The following GLRX2 variants were observed in gnomAD, a reference collection of about 807,000 sequenced individuals.
GLRX2 encodes bA101E13.1 (GRX2 glutaredoxin (thioltransferase) 2).
Under a neutral mutation model 16.4 loss-of-function variants are expected in GLRX2, and 12 were observed. The observed-to-expected ratio is 0.73, with a 90% CI of 0.47 to 1.19. The LOEUF (loss-of-function observed/expected upper bound fraction) is 1.19, where lower values mean the gene tolerates loss of function less well. GLRX2 is among the 50% of genes most tolerant of loss of function. GLRX2 has a pLI of 0.00. For synonymous variants in GLRX2, 95 were observed against 76.2 expected (o/e 1.25, Z -1.28); for missense variants, 201 against 201.8 (o/e 1.00, Z 0.02).
intron 1 of GLRX2, among the ~76,000 whole-genome samples, chr1:193,104,498 A>C (rs560993085): frequency 6.6e-6 from 1 of 152,306 alleles, no homozygotes; most frequent in East Asian, 1.9e-4. Context: ...GTTAAACTTG[A>C]GATTCCTAGA....
chr1:193,100,603 G>C (rs563523110), intron 2 of GLRX2, among the ~76,000 whole-genome samples: 10 of 152,238 alleles, frequency 6.6e-5, no homozygotes, highest in African/African-American at 2.4e-4. Context: ...GTAAGCAAGA[G>C]AGAAAAAATG....
In GLRX2 at chr1:193,105,323, C is replaced by G. The variant is rs765281033; in HGVS notation, c.60G>C (p.Ser20=). 1,558 of 1,516,990 alleles carry G rather than the reference C, an allele frequency of 1.0e-3. 22 individuals carry two copies. In the South Asian group the frequency reaches 0.017, roughly 17 times the overall value. The allele number at this position is 1,516,990 out of a possible 1,614,324, so 94.0% of individuals were successfully genotyped here. A position where few individuals can be genotyped will look rare whatever the true frequency, so the allele number is the denominator to read the frequency against. ...CCGCCGCCCTGTCAAGCCAGCCTGC[C>G]GAGCCGCTCCTGCTCCAAACCAGCC... ...GTRLVWSRSG[S]AGWLDRAAGA... The change falls in exon 1 of 4, where the codon TCG becomes TCC. Residue 20 remains serine, a synonymous_variant. Coordinates refer to ENST00000367439, the MANE Select transcript of GLRX2 (RefSeq NM_197962.3).
chr1:193,099,113 G>T (rs1446009554), intron 2 of GLRX2, among the ~76,000 whole-genome samples: 1 of 152,174 alleles, frequency 6.6e-6, no homozygotes, highest in Non-Finnish European at 1.5e-5. Context: ...GGTAGAAGTT[G>T]AAAACTGTAT....
chr1:193,105,456 G>C, upstream of GLRX2: 1 of 1,445,316 alleles, frequency 6.9e-7, no homozygotes, highest in Non-Finnish European at 9.0e-7. Flanking sequence ...CCTCCGGCCC[G>C]GCCCCCGCCT....
At chr1:193,105,959 G>C, upstream of GLRX2, 2 of 1,005,082 alleles carry the variant, frequency 2.0e-6, no homozygotes, top group Non-Finnish European at 1.2e-6. Context: ...TTACTCCAAA[G>C]AAGACAAAGA....
chr1:193,104,762 C>G (rs1370348625), intron 1 of GLRX2, among the ~76,000 whole-genome samples: 1 of 152,270 alleles, frequency 6.6e-6, no homozygotes, highest in Non-Finnish European at 1.5e-5. Context: ...CAGCCTCTAT[C>G]CTAAAAGCTC....
At chr1:193,105,994 A>T (rs1675194041), upstream of GLRX2, 1 of 995,904 alleles carries the variant, frequency 1.0e-6, no homozygotes, top group African/African-American at 1.7e-5. Flanking sequence ...CTGCCAAAAA[A>T]AAAAAATTAG....
At chr1:193,101,337 T>G in intron 1 of GLRX2, 133 bp from the exon 2 acceptor site, 1 of 643,624 alleles carries the variant, frequency 1.6e-6, no homozygotes. Flanking sequence ...TTTTACTTAT[T>G]ATCAGTACAA....
chr1:193,098,757 G>A (rs562172924), intron 2 of GLRX2, among the ~76,000 whole-genome samples: 32 of 151,958 alleles, frequency 2.1e-4, no homozygotes, highest in African/African-American at 7.2e-4. Flanking sequence ...CACCATGTTG[G>A]CCAGGCTCGT....
At chr1:193,097,510 A>C in intron 3 of GLRX2, 74 bp downstream of exon 3, 1 of 1,165,680 alleles carries the variant, frequency 8.6e-7, no homozygotes, top group Non-Finnish European at 1.2e-6. Flanking sequence ...TTTTCCTAAC[A>C]CAAGGTTCTA....
At chr1:193,105,767 A>G (rs1036258313), upstream of GLRX2, 12 of 1,375,640 alleles carry the variant, frequency 8.7e-6, no homozygotes, top group South Asian at 1.0e-4. Context: ...TGACCATCCA[A>G]AACAGAATCA....
chr1:193,105,648 G>T (rs764045332), upstream of GLRX2: 3 of 1,597,396 alleles, frequency 1.9e-6, no homozygotes, highest in Admixed American at 5.2e-5. Context: ...TCCGAGCCCC[G>T]CCTCTGGATT....
intron 2 of GLRX2, among the ~76,000 whole-genome samples, chr1:193,099,331 GT>G (rs1022892901): frequency 6.6e-6 from 1 of 151,300 alleles, no homozygotes; most frequent in African/African-American, 2.4e-5. Context: ...ATTTGTCTAG[GT>G]TTTTTTTTGT....
upstream of GLRX2, chr1:193,105,567 A>T: frequency 6.2e-7 from 1 of 1,604,234 alleles, no homozygotes; most frequent in South Asian, 1.1e-5. Flanking sequence ...GCTGGATTCC[A>T]GCGAGTGCCA....
intron 2 of GLRX2, among the ~76,000 whole-genome samples, chr1:193,100,090 G>A (rs191251131): frequency 6.6e-6 from 1 of 152,300 alleles, no homozygotes; most frequent in African/African-American, 2.4e-5. Flanking sequence ...TGAAACTAAA[G>A]ATGACAGCGT....
intron 2 of GLRX2, 120 bp downstream of exon 2, chr1:193,101,021 T>C (rs1282717462): frequency 8.4e-6 from 6 of 714,572 alleles, no homozygotes; most frequent in Non-Finnish European, 1.3e-5. Flanking sequence ...TAAATATTAA[T>C]CTCTTAATTC....
chr1:193,102,968 C>T (rs1038346365), intron 1 of GLRX2, among the ~76,000 whole-genome samples: 8 of 152,072 alleles, frequency 5.3e-5, no homozygotes, highest in Admixed American at 3.9e-4. Flanking sequence ...GTGACCAGAT[C>T]GACTGTCACA....
chr1:193,096,856 A>G (rs138465476), intron 3 of GLRX2, 97 bp from the exon 4 acceptor site: 9 of 864,406 alleles, frequency 1.0e-5, no homozygotes, highest in Non-Finnish European at 1.6e-5. Flanking sequence ...GGGTACTTTT[A>G]TGAGCCTGGC....
intron 3 of GLRX2, 109 bp downstream of exon 3, chr1:193,097,475 C>T (rs1472481407): frequency 1.3e-6 from 1 of 755,460 alleles, no homozygotes; most frequent in East Asian, 2.9e-5. Context: ...GCTGCTTTAT[C>T]TATCCTCAGA....
Sources: allele counts gnomAD v4.1 joint callset (sites outside exome capture counted in the v4.1 genomes callset), GRCh38; gene constraint gnomAD v4.1.1; transcripts MANE v1.5; gene names NCBI Gene and HGNC (gene_info 2026-07-23, HGNC 2026-07-21).